AGBL4: variants seen among roughly 807,000 people sequenced by gnomAD.
The protein encoded by AGBL4 is AGBL carboxypeptidase 4.
In AGBL4, 58 loss-of-function variants were observed where a neutral mutation model predicts 66.4. The observed-to-expected ratio is 0.87, with a 90% confidence interval of 0.71 to 1.09. The LOEUF is 1.09. Among genes scored for constraint, AGBL4 ranks in the 50% least tolerant of loss-of-function variants. AGBL4 has a pLI of 0.00. For missense variants in AGBL4, 579 were observed against 631.0 expected (o/e 0.92, Z 0.88); for synonymous variants, 234 against 222.9 (o/e 1.05, Z -0.44).
chr1:49,675,235 G>C (rs980643959), intron 3 of AGBL4, among the ~76,000 whole-genome samples: 1 of 152,040 alleles, frequency 6.6e-6, no homozygotes, highest in East Asian at 1.9e-4. Context: ...TTTAAAAAAA[G>C]GCCACATTGT....
intron 4 of AGBL4, among the ~76,000 whole-genome samples, chr1:49,169,464 G>A (rs1349334973): frequency 6.6e-6 from 1 of 152,050 alleles, no homozygotes; most frequent in Non-Finnish European, 1.5e-5. Context: ...CATGTCATGT[G>A]GTCACATATT....
chr1:49,948,027 A>ATATATATATGTAAATAC (rs1655491900), intron 1 of AGBL4, among the ~76,000 whole-genome samples: 1 of 75,876 alleles, frequency 1.3e-5, no homozygotes, highest in Non-Finnish European at 2.2e-5. Flanking sequence ...AATATATATA[A>ATATATATATGTAAATAC]ATATATATAC....
At chr1:50,008,862 A>AT in intron 1 of AGBL4, among the ~76,000 whole-genome samples, 1 of 152,172 alleles carries the variant, frequency 6.6e-6, no homozygotes, top group East Asian at 1.9e-4. Context: ...ATTAGAGGCC[A>AT]TCATGACCAA....
At chr1:49,490,927 A>G (rs990669471) in intron 3 of AGBL4, among the ~76,000 whole-genome samples, 7 of 151,868 alleles carry the variant, frequency 4.6e-5, no homozygotes, top group Admixed American at 2.6e-4. Flanking sequence ...TTTTGGATCA[A>G]TTATATCACC....
chr1:49,539,440 C>A (rs1245070301), intron 3 of AGBL4, among the ~76,000 whole-genome samples: 2 of 152,060 alleles, frequency 1.3e-5, no homozygotes, highest in Non-Finnish European at 2.9e-5. Flanking sequence ...GCCAGCCTTC[C>A]ACACACACAC....
At chr1:48,969,339 G>A (rs1015871822) in intron 5 of AGBL4, among the ~76,000 whole-genome samples, 7 of 152,048 alleles carry the variant, frequency 4.6e-5, no homozygotes, top group African/African-American at 1.7e-4. Flanking sequence ...CTATTTGTCG[G>A]AAATGCACTC....
At chr1:48,662,441 C>T (rs1243509413) in intron 7 of AGBL4, among the ~76,000 whole-genome samples, 1 of 152,338 alleles carries the variant, frequency 6.6e-6, no homozygotes, top group South Asian at 2.1e-4. Flanking sequence ...AGAACCTACA[C>T]AGGCGTTTCA....
intron 3 of AGBL4, among the ~76,000 whole-genome samples, chr1:49,452,295 C>G (rs943801213): frequency 2.0e-5 from 3 of 151,946 alleles, no homozygotes; most frequent in African/African-American, 7.2e-5. Context: ...TTGCCCTACT[C>G]CAATCCATAC....
intron 3 of AGBL4, among the ~76,000 whole-genome samples, chr1:49,426,711 T>A (rs1208547156): frequency 6.6e-6 from 1 of 152,192 alleles, no homozygotes; most frequent in African/African-American, 2.4e-5. Context: ...GTACTACTAC[T>A]TATTTTACAG....
chr1:49,764,025 G>T (rs1251039121), intron 2 of AGBL4, among the ~76,000 whole-genome samples: 1 of 152,028 alleles, frequency 6.6e-6, no homozygotes, highest in Non-Finnish European at 1.5e-5. Flanking sequence ...ACAGTTCTGT[G>T]TTCCTCTGGA....
rs111817958 is a variant in AGBL4, at chr1:48,774,228, C to T, written c.634+92963G>A. Among the ~76,000 whole-genome samples, 320 of 152,334 alleles carry T rather than the reference C, an allele frequency of 2.1e-3. 5 individuals carry two copies. Among genetic ancestry groups the T allele is most frequent in the African/African-American group, 7.0e-3 (290 of 41,578 alleles). Reference sequence around the variant, plus strand: ...CCACTTGAGGGGATTCCTCCTCACACCTGGTGCCATAGCACAGTGGTATTT... The same window carrying T: ...CCACTTGAGGGGATTCCTCCTCACATCTGGTGCCATAGCACAGTGGTATTT... On this transcript the variant is annotated intron_variant, in intron 6 of 13. Coordinates refer to ENST00000371839, the MANE Select transcript of AGBL4 (RefSeq NM_032785.4).
At chr1:48,688,578 C>G (rs1465826843) in intron 6 of AGBL4, among the ~76,000 whole-genome samples, 2 of 152,158 alleles carry the variant, frequency 1.3e-5, no homozygotes, top group African/African-American at 4.8e-5. Context: ...CCCAGACTCC[C>G]CCAGTATTAG....
intron 2 of AGBL4, among the ~76,000 whole-genome samples, chr1:49,739,813 G>A (rs888898204): frequency 6.6e-6 from 1 of 152,154 alleles, no homozygotes; most frequent in Non-Finnish European, 1.5e-5. Flanking sequence ...AGCTTCATAA[G>A]TGAAGTAAAA....
At chr1:49,782,458 T>C (rs1644358741) in intron 2 of AGBL4, among the ~76,000 whole-genome samples, 1 of 152,184 alleles carries the variant, frequency 6.6e-6, no homozygotes, top group East Asian at 1.9e-4. Context: ...AAGATTAAGA[T>C]TGTCTGAACA....
intron 3 of AGBL4, among the ~76,000 whole-genome samples, chr1:49,612,469 AT>A (rs1645173343): frequency 1.3e-5 from 2 of 152,248 alleles, no homozygotes; most frequent in African/African-American, 4.8e-5. Context: ...TCTGACAAAG[AT>A]TTTAATATTC....
chr1:49,642,067 G>A (rs1031694849), intron 3 of AGBL4, among the ~76,000 whole-genome samples: 1 of 151,866 alleles, frequency 6.6e-6, no homozygotes, highest in Non-Finnish European at 1.5e-5. Context: ...AAACTAGGGA[G>A]CAATTAGAGT....
At chr1:49,025,547 T>C (rs1389535915) in intron 5 of AGBL4, 1 of 152,138 alleles carries the variant, frequency 6.6e-6, no homozygotes, top group Non-Finnish European at 1.5e-5. Context: ...TTCTTGGCTA[T>C]GACATTCTAT....
chr1:48,724,949 C>T (rs1380447163), intron 6 of AGBL4, among the ~76,000 whole-genome samples: 2 of 152,100 alleles, frequency 1.3e-5, no homozygotes, highest in Non-Finnish European at 2.9e-5. Flanking sequence ...AACTCACTGG[C>T]CTGGCACAAG....
intron 2 of AGBL4, among the ~76,000 whole-genome samples, chr1:49,830,975 T>G (rs1047232694): frequency 1.3e-5 from 2 of 152,206 alleles, no homozygotes; most frequent in Non-Finnish European, 2.9e-5. Flanking sequence ...ATATATCTGT[T>G]TTGGTACCAG....
Sources: gnomAD v4.1 joint callset for allele counts (sites outside exome capture counted in the v4.1 genomes callset) on GRCh38, gnomAD v4.1.1 for gene constraint, MANE v1.5 for transcripts, NCBI Gene and HGNC (gene_info 2026-07-23, HGNC 2026-07-21) for gene names.